EXOC6B: variants seen among roughly 807,000 people sequenced by gnomAD.
EXOC6B encodes the protein exocyst complex component 6B, also known as SEC15 homolog B.
Under a neutral mutation model 113.5 loss-of-function variants are expected in EXOC6B, and 54 were observed. The ratio of observed to expected loss-of-function variants is 0.48; its 90% confidence interval spans 0.38 to 0.60. EXOC6B has a LOEUF of 0.60. Among genes scored for constraint, EXOC6B ranks in the 20% least tolerant of loss-of-function variants. The pLI is 0.00. For missense variants in EXOC6B, 797 were observed against 977.5 expected, an observed-to-expected ratio of 0.82 and a Z score of 2.46; for synonymous variants, 357 against 339.0, an observed-to-expected ratio of 1.05 and a Z score of -0.58.
At chr2:72,762,879 T>C (rs1682825770) in intron 1 of EXOC6B, among the ~76,000 whole-genome samples, 1 of 152,054 alleles carries the variant, frequency 6.6e-6, no homozygotes, top group South Asian at 2.1e-4. Flanking sequence ...TAAAATATAA[T>C]TAATGATAAC....
At chr2:72,761,435 A>G (rs1682737419) in intron 1 of EXOC6B, among the ~76,000 whole-genome samples, 1 of 152,298 alleles carries the variant, frequency 6.6e-6, no homozygotes, top group South Asian at 2.1e-4. Context: ...ACTCTCCAAA[A>G]GCTATGAAAT....
At chr2:72,619,599 T>C (rs1671623187) in intron 6 of EXOC6B, among the ~76,000 whole-genome samples, 1 of 152,096 alleles carries the variant, frequency 6.6e-6, no homozygotes, top group Non-Finnish European at 1.5e-5. Flanking sequence ...ACCACCATAA[T>C]TTGGGCAGAT....
chr2:72,500,817 T>C (rs1242484744), intron 11 of EXOC6B, among the ~76,000 whole-genome samples: 1 of 152,204 alleles, frequency 6.6e-6, no homozygotes, highest in African/African-American at 2.4e-5. Flanking sequence ...TGCTCTCTCA[T>C]TGGTCTCTCA....
At chr2:72,181,674 A>G (rs1572953753) in intron 21 of EXOC6B, among the ~76,000 whole-genome samples, 1 of 152,200 alleles carries the variant, frequency 6.6e-6, no homozygotes, top group South Asian at 2.1e-4. Flanking sequence ...TTTGGCTCCC[A>G]CAGGGAAGCT....
chr2:72,602,960 G>A (rs1032160836), intron 6 of EXOC6B, among the ~76,000 whole-genome samples: 4 of 151,946 alleles, frequency 2.6e-5, no homozygotes, highest in Non-Finnish European at 5.9e-5. Context: ...TGAGTCATCA[G>A]CCCCTCTCTC....
chr2:72,283,785 C>T (rs566366004), intron 20 of EXOC6B, among the ~76,000 whole-genome samples: 4 of 152,106 alleles, frequency 2.6e-5, no homozygotes, highest in East Asian at 1.9e-4. Context: ...CCTAACTGAC[C>T]TGGGGGAGGG....
rs187182130 is a variant in EXOC6B, at chr2:72,251,054, G to C, written c.2197-66867C>G. On this transcript the variant is annotated intron_variant, in intron 20 of 21. Transcript: ENST00000272427. ...TGTTGCCCAGGCTGGTCTTGAACTC[G>C]GGAGCTCACGTAATCTGCCCCCCTT... Among the ~76,000 whole-genome samples the C allele has an allele frequency of 6.0e-3, 748 of 123,948 alleles. 8 individuals are homozygous for C. The highest frequency in any genetic ancestry group is 0.019 in the African/African-American group (717 of 37,712). The allele number at this position is 123,948 out of a possible 152,430, so 81.3% of individuals were successfully genotyped here. A position where few individuals can be genotyped will look rare whatever the true frequency, so the allele number is the denominator to read the frequency against.
At chr2:72,687,709 G>A (rs1677188592) in intron 6 of EXOC6B, among the ~76,000 whole-genome samples, 1 of 152,146 alleles carries the variant, frequency 6.6e-6, no homozygotes, top group African/African-American at 2.4e-5. Context: ...GTTAGACCCT[G>A]AGATCACCTT....
At chr2:72,538,028 A>C (rs1702397695) in intron 8 of EXOC6B, among the ~76,000 whole-genome samples, 1 of 150,220 alleles carries the variant, frequency 6.7e-6, no homozygotes, top group Non-Finnish European at 1.5e-5. Context: ...CTCATAGCTC[A>C]CCATTAGTTA....
chr2:72,656,362 A>T (rs1028476471), intron 6 of EXOC6B, among the ~76,000 whole-genome samples: 27 of 152,218 alleles, frequency 1.8e-4, no homozygotes, highest in Admixed American at 3.9e-4. Flanking sequence ...TAAAAACTAT[A>T]TTGTAAGAAA....
At chr2:72,409,980 C>T (rs1270569445) in intron 18 of EXOC6B, among the ~76,000 whole-genome samples, 3 of 152,120 alleles carry the variant, frequency 2.0e-5, no homozygotes, top group Non-Finnish European at 4.4e-5. Context: ...GCCGTCGTTC[C>T]CCCACAGAGG....
At chr2:72,445,143 G>T (rs1312275824) in intron 18 of EXOC6B, among the ~76,000 whole-genome samples, 1 of 152,148 alleles carries the variant, frequency 6.6e-6, no homozygotes, top group Admixed American at 6.5e-5. Flanking sequence ...GAAGTTCAAA[G>T]TTCCACAAAT....
rs539193827 is a variant in EXOC6B, at chr2:72,497,226, G to A, written c.1338-667C>T. Among the ~76,000 whole-genome samples, 4 of 152,008 alleles carry A rather than the reference G, an allele frequency of 2.6e-5. No individual in the cohort carries two copies. The East Asian group carries it at 5.8e-4, about 22-fold the overall frequency. ...TGCCCTCAAGGGATCTTCCTACCTT[G>A]GCTCCCAAAGTGCTGGGATTACAGG... On this transcript the variant is annotated intron_variant, in intron 13 of 21. Transcript: ENST00000272427.
chr2:72,263,189 G>C (rs1353077753), intron 20 of EXOC6B: 1 of 152,202 alleles, frequency 6.6e-6, no homozygotes, highest in East Asian at 1.9e-4. Flanking sequence ...GCCTGCCAGA[G>C]GAGGTTAACA....
chr2:72,256,777 G>A (rs1274379380), intron 20 of EXOC6B, among the ~76,000 whole-genome samples: 2 of 152,166 alleles, frequency 1.3e-5, no homozygotes, highest in Non-Finnish European at 2.9e-5. Flanking sequence ...GATTAACCAA[G>A]TTTGGGAATC....
chr2:72,586,160 G>A (rs576333479), intron 6 of EXOC6B, among the ~76,000 whole-genome samples: 1 of 152,178 alleles, frequency 6.6e-6, no homozygotes, highest in South Asian at 2.1e-4. Context: ...AGAAAACCTA[G>A]GAAATGTCAT....
chr2:72,431,532 T>TCTATCTAA (rs1695532237), intron 18 of EXOC6B, among the ~76,000 whole-genome samples: 1 of 151,100 alleles, frequency 6.6e-6, no homozygotes, highest in Non-Finnish European at 1.5e-5. Context: ...TATCTATCTA[T>TCTATCTAA]CTATCTAAGA....
intron 18 of EXOC6B, among the ~76,000 whole-genome samples, chr2:72,405,617 A>C (rs1693690476): frequency 6.6e-6 from 1 of 152,216 alleles, no homozygotes; most frequent in Non-Finnish European, 1.5e-5. Context: ...TCATAAGTGA[A>C]GGAGAAATAA....
chr2:72,401,254 G>C (rs1473400989), intron 18 of EXOC6B, among the ~76,000 whole-genome samples: 1 of 150,698 alleles, frequency 6.6e-6, no homozygotes, highest in Non-Finnish European at 1.5e-5. Context: ...CTGAGGTCAG[G>C]AGTTTAAGAC....
Sources: gnomAD v4.1 joint callset for allele counts (sites outside exome capture counted in the v4.1 genomes callset) on GRCh38, gnomAD v4.1.1 for gene constraint, MANE v1.5 for transcripts, NCBI Gene and HGNC (gene_info 2026-07-23, HGNC 2026-07-21) for gene names.